WDR91: variants seen among roughly 807,000 people sequenced by gnomAD.
WDR91 encodes the protein WD repeat domain 91, also known as WD repeat-containing protein 91.
Under a neutral mutation model 88.4 loss-of-function variants are expected in WDR91, and 52 were observed. That is an observed-to-expected ratio of 0.59 (90% CI 0.47 to 0.74). WDR91 has a LOEUF of 0.74. Among genes scored for constraint, WDR91 ranks in the 30% least tolerant of loss-of-function variants. The pLI is 0.00. For synonymous variants in WDR91, 362 were observed against 389.5 expected (o/e 0.93, Z 0.83); for missense variants, 824 against 954.5 (o/e 0.86, Z 1.80).
In WDR91 at chr7:135,186,222, A is replaced by G; in HGVS notation, c.2173T>C (p.Cys725Arg). 6.2e-7 allele frequency: 1 copy of G among 1,609,208 alleles called. No individual in the cohort carries two copies. Among genetic ancestry groups the G allele is most frequent in the Non-Finnish European group, 8.5e-7 (1 of 1,177,986 alleles). ...ATGGAGGCGGTGAGGCAGGTCCCAC[A>G]GTCCATGGCAGTGCTCCAGTCCACG... ...VTVDWSTAMD[C>R]GTCLTASMDG... The change falls in exon 15 of 15, where the codon TGT becomes CGT. Residue 725 changes from cysteine (C) to arginine (R), a missense_variant. By Grantham distance (180) the Cys-to-Arg change is radical. Coordinates refer to ENST00000354475, the MANE Select transcript of WDR91 (RefSeq NM_014149.4).
rs2278130 is a variant in WDR91, at chr7:135,207,209, G to A, written c.512-7C>T. The stretch of plus-strand genomic sequence containing the variant: ...TTCAGGATCACAGGGACTGGTGCAC[G>A]AAGTTAAAGAATAAGCCAGCCCCTG... On this transcript the variant is annotated splice_region_variant and splice_polypyrimidine_tract_variant and intron_variant, in intron 3 of 14. Coordinates refer to ENST00000354475, the MANE Select transcript of WDR91 (RefSeq NM_014149.4). 0.25 allele frequency: 407,046 copies of A among 1,597,614 alleles called. 53,054 individuals are homozygous for A. Among genetic ancestry groups the A allele is most frequent in the African/African-American group, 0.29 (21,573 of 74,408 alleles).
Position 135,196,162 on chromosome 7 carries a change from G to A in WDR91, c.1226C>T (p.Ser409Leu). Residue 409 changes from serine to leucine, a missense_variant, in exon 8 of 15, where the codon TCA (serine) becomes TTA (leucine). By Grantham distance (145) the Ser-to-Leu change is moderately radical (BLOSUM62 -2). Transcript: ENST00000354475. The surrounding 1 kb of genome is among the most constrained non-coding windows in gnomAD (Gnocchi z 4.2). ...LGQEEYGEHH[S>L]SIMHCRVDCS... ...AACCCACCTGCAGTGCATGATGGAT[G>A]AGTGGTGTTCCCCGTACTCCTCCTG... is the stretch of plus-strand genomic sequence containing the variant. 2 of 1,562,016 alleles carry A rather than the reference G, an allele frequency of 1.3e-6. No individual in the cohort carries two copies. The highest frequency in any genetic ancestry group is 2.4e-5 in the South Asian group (2 of 84,332).
At chr7:135,194,200 A>C (rs555533818) in intron 9 of WDR91, among the ~76,000 whole-genome samples, 1 of 152,328 alleles carries the variant, frequency 6.6e-6, no homozygotes, top group Admixed American at 6.5e-5. Flanking sequence ...GAAAAGCTTC[A>C]AAGATAATAA....
chr7:135,186,749 C>T (rs1248323145), intron 14 of WDR91, among the ~76,000 whole-genome samples: 2 of 152,264 alleles, frequency 1.3e-5, no homozygotes, highest in South Asian at 2.1e-4. Flanking sequence ...CAGCCTGCCA[C>T]ACCCAGAACA....
chr7:135,194,813 C>A (rs1173914637), intron 9 of WDR91, 121 bp downstream of exon 9: 1 of 1,354,558 alleles, frequency 7.4e-7, no homozygotes. Flanking sequence ...GTCCCTGAAT[C>A]CCCAATAATG....
At chr7:135,191,430 C>G (rs1227051150) in intron 11 of WDR91, among the ~76,000 whole-genome samples, 1 of 151,642 alleles carries the variant, frequency 6.6e-6, no homozygotes, top group East Asian at 1.9e-4. Flanking sequence ...ATGGTGAAAC[C>G]CCATTTCTAC....
At chr7:135,193,844 C>A (rs1328218189) in intron 9 of WDR91, 172 bp from the exon 10 acceptor site, 1 of 604,790 alleles carries the variant, frequency 1.7e-6, no homozygotes, top group East Asian at 2.8e-5. Context: ...TAAAATTAAA[C>A]AAAGACGTGA....
At chr7:135,197,932 C>A in intron 7 of WDR91, 61 bp downstream of exon 7, 5 of 1,568,032 alleles carry the variant, frequency 3.2e-6, no homozygotes. Flanking sequence ...GAGAAGACCC[C>A]CCACAGTGTT....
intron 8 of WDR91, 104 bp from the exon 9 acceptor site, chr7:135,195,188 AAAAC>A: frequency 2.4e-6 from 3 of 1,255,340 alleles, no homozygotes; most frequent in Middle Eastern, 2.7e-4. Context: ...CTGTTTTAAA[AAAAC>A]AATCCCTAGA....
chr7:135,205,165 G>A (rs1003230230), intron 5 of WDR91, among the ~76,000 whole-genome samples: 3 of 152,150 alleles, frequency 2.0e-5, no homozygotes, highest in Admixed American at 6.5e-5. Context: ...GTTTCTGAAG[G>A]TCAAATACCT....
intron 5 of WDR91, among the ~76,000 whole-genome samples, chr7:135,204,728 T>G (rs148576355): frequency 6.6e-6 from 1 of 152,306 alleles, no homozygotes; most frequent in Admixed American, 6.5e-5. Flanking sequence ...GAAATGTGGT[T>G]AGTCCAAATC....
At position 135,195,009 on chromosome 7, in the gene WDR91, G is replaced by C. The variant is rs147805611; in HGVS notation, c.1320C>G (p.Ile440Met). The change falls in exon 9 of 15, where the codon ATC becomes ATG. Residue 440 changes from isoleucine to methionine, a missense_variant. Physicochemically the swap from Ile to Met is conservative, Grantham distance 10. Transcript: ENST00000354475. ...AAATGGAGGATGCTTTGGTCTGCAT[G>C]ATGGGGTTGAAGGACCACACTTTGA... ...GVIKVWSFNP[I>M]MQTKASSISK... The C allele has an allele frequency of 5.6e-6, 9 of 1,614,164 alleles. No homozygotes were observed. Among genetic ancestry groups the C allele is most frequent in the Middle Eastern group, 1.7e-4 (1 of 6,034 alleles).
Position 135,206,073 on chromosome 7 carries a change from G to C in WDR91, c.595-15C>G. ...AATGCAAAAAGCTATACAGGGGTGG[G>C]ACTGAGTTAGCCAATGATCTCACCT... On this transcript the variant is annotated splice_polypyrimidine_tract_variant and intron_variant, in intron 4 of 14. Coordinates refer to ENST00000354475, the MANE Select transcript of WDR91 (RefSeq NM_014149.4). 6.2e-7 allele frequency: 1 copy of C among 1,614,098 alleles called. No individual in the cohort carries two copies. Among genetic ancestry groups the C allele is most frequent in the East Asian group, 2.2e-5 (1 of 44,874 alleles).
At position 135,205,986 on chromosome 7, in the gene WDR91, C is replaced by A. The variant is rs757759854; in HGVS notation, c.667G>T (p.Val223Phe). Reference sequence around the variant, plus strand: ...ACATAAGGAGGCAATTTGTGTTGGACCAAGGCCTCTTCCTCTTCTGGCTGT... The same window carrying A: ...ACATAAGGAGGCAATTTGTGTTGGAACAAGGCCTCTTCCTCTTCTGGCTGT... ...EQQPEEEEAL[V>F]QHKLPPYVSN... The change falls in exon 5 of 15, where the codon GTC (valine) becomes TTC (phenylalanine). Residue 223 changes from valine (V) to phenylalanine (F), a missense_variant. Val to Phe is a conservative substitution (Grantham distance 50). Coordinates refer to ENST00000354475, the MANE Select transcript of WDR91 (RefSeq NM_014149.4). The A allele has an allele frequency of 4.3e-6, 7 of 1,614,168 alleles. No individual in the cohort carries two copies. In the South Asian group the frequency reaches 7.7e-5, roughly 18 times the overall value.
At chr7:135,208,757 C>G (rs1476849398) in intron 3 of WDR91, 34 bp downstream of exon 3, 2 of 1,541,642 alleles carry the variant, frequency 1.3e-6, no homozygotes, top group Non-Finnish European at 1.8e-6. Flanking sequence ...GTGCCTCAGG[C>G]TGGGCCTTCA....
At chr7:135,188,341 G>C in intron 13 of WDR91, 92 bp downstream of exon 13, 2 of 984,582 alleles carry the variant, frequency 2.0e-6, no homozygotes, top group Non-Finnish European at 3.2e-6. Context: ...AGAGGCCCCA[G>C]GTTGCAGAGC....
In WDR91 at chr7:135,186,036, G is replaced by C; in HGVS notation, c.*115C>G. 1 of 1,251,766 alleles carries C rather than the reference G, an allele frequency of 8.0e-7. No homozygotes were observed. The allele number at this position is 1,251,766 out of a possible 1,614,324, so 77.5% of individuals were successfully genotyped here. On this transcript the variant is annotated 3_prime_UTR_variant, in exon 15 of 15. Transcript: ENST00000354475. ...TGAGCCTCCTTGCCAGTCTTTCCCT[G>C]CAGAGTCACTGCACTGGCAGGGAGC... is the stretch of plus-strand genomic sequence containing the variant.
Position 135,185,915 on chromosome 7 carries a change from C to T in WDR91, c.*236G>A. ...CCGGAGCTTTCCTCCCATAGTCTCA[C>T]ATGTACTCCTGGCACAGCCACAATA... On this transcript the variant is annotated 3_prime_UTR_variant, in exon 15 of 15. Coordinates refer to ENST00000354475, the MANE Select transcript of WDR91 (RefSeq NM_014149.4). 2 of 500,510 alleles carry T rather than the reference C, an allele frequency of 4.0e-6. No individual in the cohort carries two copies. Among genetic ancestry groups the T allele is most frequent in the Admixed American group, 8.4e-5 (2 of 23,788 alleles). 31.0% of individuals were successfully genotyped at this position (500,510 alleles called of 1,614,324 possible).
Position 135,184,193 on chromosome 7 carries a change from G to A in WDR91, c.*1958C>T, listed in dbSNP as rs954547077. Reference sequence around the variant, plus strand: ...ACCAGGGTAGAAATGGGTAAAAATCGGTAAATAACTATTTACTACTGTCTC... The same window carrying A: ...ACCAGGGTAGAAATGGGTAAAAATCAGTAAATAACTATTTACTACTGTCTC... On this transcript the variant is annotated 3_prime_UTR_variant, in exon 15 of 15. Transcript: ENST00000354475. 2.0e-5 allele frequency: 3 copies of A among 152,060 alleles called. No individual in the cohort carries two copies. Among genetic ancestry groups the A allele is most frequent in the Non-Finnish European group, 4.4e-5 (3 of 68,002 alleles). The allele number at this position is 152,060 out of a possible 1,614,324, so 9.4% of individuals were successfully genotyped here.
Sources: gnomAD v4.1 joint callset for allele counts (sites outside exome capture counted in the v4.1 genomes callset) on GRCh38, gnomAD v4.1.1 for gene constraint, Gnocchi (gnomAD v3.1) non-coding constraint, MANE v1.5 for transcripts, NCBI Gene and HGNC (gene_info 2026-07-23, HGNC 2026-07-21) for gene names.